ZNF599: variants seen among roughly 807,000 people sequenced by gnomAD.
ZNF599 encodes zinc finger protein 599.
Under a neutral mutation model 11.7 loss-of-function variants are expected in ZNF599, and 10 were observed. The observed-to-expected ratio is 0.86, with a 90% confidence interval of 0.53 to 1.45. The LOEUF is 1.45. Among genes scored for constraint, ZNF599 ranks in the 40% most tolerant of loss-of-function variants. ZNF599 has a pLI of 0.00. For synonymous variants in ZNF599, 232 were observed against 253.2 expected, an observed-to-expected ratio of 0.92 and a Z score of 0.79; for missense variants, 688 against 713.6, an observed-to-expected ratio of 0.96 and a Z score of 0.41.
At chr19:34,804,537 C>T in the ZNF599 span, among the ~76,000 whole-genome samples, 1 of 152,192 alleles carries the variant, frequency 6.6e-6, no homozygotes, top group Non-Finnish European at 1.5e-5. Context: ...AGCTTCACCT[C>T]AAGTCTACAA....
chr19:34,803,726 G>A, the ZNF599 span, among the ~76,000 whole-genome samples: 1 of 152,102 alleles, frequency 6.6e-6, no homozygotes, highest in Non-Finnish European at 1.5e-5. Flanking sequence ...GCCACGCAGG[G>A]CCCCACCCCT....
chr19:34,804,174 C>G, the ZNF599 span, among the ~76,000 whole-genome samples: 3 of 152,246 alleles, frequency 2.0e-5, no homozygotes, highest in African/African-American at 7.2e-5. Flanking sequence ...CCTAATGCCT[C>G]TAGCAGACAA....
chr19:34,777,318 CTATATTATATATTATATATTAA>C (rs539371607), upstream of ZNF599, among the ~76,000 whole-genome samples: 21,945 of 80,460 alleles, frequency 0.27, 3,642 homozygotes, highest in African/African-American at 0.31. Flanking sequence ...GTATATTTAT[CTATATTATATATTATATATTAA>C]TATATTATAT....
At chr19:34,792,028 C>T in the ZNF599 span, 1 of 152,196 alleles carries the variant, frequency 6.6e-6, no homozygotes, top group Non-Finnish European at 1.5e-5. Flanking sequence ...TGCTCCCTTC[C>T]ATGCAAAGAA....
chr19:34,759,504 A>G lies in ZNF599; in HGVS notation c.1297T>C (p.Cys433Arg), dbSNP rs1193507921. Reference sequence around the variant, plus strand: ...TGTTGAATTAAGGAAGAGCTGTCACAAAAGGCCTTCCCACATTCTTTGCAC... The same window carrying G: ...TGTTGAATTAAGGAAGAGCTGTCACGAAAGGCCTTCCCACATTCTTTGCAC... The part of the protein sequence containing the change: ...FECKECGKAF[C>R]DSSSLIQHMR... The change falls in exon 4 of 4, where the codon TGT (cysteine) becomes CGT (arginine). Residue 433 changes from cysteine to arginine, a missense_variant. By Grantham distance (180) the Cys-to-Arg change is radical. Transcript: ENST00000329285. 1 of 1,614,100 alleles carries G rather than the reference A, an allele frequency of 6.2e-7. No individual in the cohort carries two copies. The highest frequency in any genetic ancestry group is 8.5e-7 in the Non-Finnish European group (1 of 1,180,022).
chr19:34,797,823 T>G, the ZNF599 span, among the ~76,000 whole-genome samples: 3 of 152,184 alleles, frequency 2.0e-5, no homozygotes, highest in African/African-American at 7.2e-5. Flanking sequence ...GATGTGAAAC[T>G]AGACAACCAG....
chr19:34,774,498 G>T (rs1267549971), upstream of ZNF599, among the ~76,000 whole-genome samples: 1 of 152,200 alleles, frequency 6.6e-6, no homozygotes, highest in Admixed American at 6.5e-5. Flanking sequence ...CCAGGATGGA[G>T]CAGAAATAAG....
Position 34,769,533 on chromosome 19 carries a change from A to G in ZNF599, c.41T>C (p.Val14Ala). Residue 14 changes from valine to alanine, a missense_variant, in exon 2 of 4, where the codon GTG (valine) becomes GCG (alanine). Coordinates refer to ENST00000329285, the MANE Select transcript of ZNF599 (RefSeq NM_001007248.3). ...PALALVSFED[V>A]VVTFTGEEWG... is the part of the protein sequence containing the mutation. Reference sequence around the variant, plus strand: ...TTCCTCTCCAGTGAAGGTCACAACCACGTCTTCAAATGATACTAATGCCTG... The same window carrying G: ...TTCCTCTCCAGTGAAGGTCACAACCGCGTCTTCAAATGATACTAATGCCTG... The G allele has an allele frequency of 6.2e-7, 1 of 1,614,050 alleles. No individual in the cohort carries two copies. Among genetic ancestry groups the G allele is most frequent in the South Asian group, 1.1e-5 (1 of 91,082 alleles).
At chr19:34,780,734 GAGAAAGAAAGCC>G in the ZNF599 span, among the ~76,000 whole-genome samples, 1 of 147,888 alleles carries the variant, frequency 6.8e-6, no homozygotes, top group South Asian at 2.1e-4. Context: ...GAAAGAGAAA[GAGAAAGAAAGCC>G]AGAAAGAAAG....
In ZNF599 at chr19:34,758,855, C is replaced by T. The variant is rs2069088103; in HGVS notation, c.*179G>A. ...TAATTCTTTGGATGACAAGTGATTACCTGCCATAAAAAGATTTCACAGGGA... is the reference window on the plus strand; with the variant it reads ...TAATTCTTTGGATGACAAGTGATTATCTGCCATAAAAAGATTTCACAGGGA... On this transcript the variant is annotated 3_prime_UTR_variant, in exon 4 of 4. Coordinates refer to ENST00000329285, the MANE Select transcript of ZNF599 (RefSeq NM_001007248.3). 1.6e-6 allele frequency: 1 copy of T among 613,750 alleles called. No homozygotes were observed. Among genetic ancestry groups the T allele is most frequent in the Non-Finnish European group, 2.8e-6 (1 of 360,116 alleles). 38.0% of individuals were successfully genotyped at this position (613,750 alleles called of 1,614,324 possible).
intron 3 of ZNF599, among the ~76,000 whole-genome samples, chr19:34,766,586 T>G (rs955976166): frequency 6.6e-6 from 1 of 152,254 alleles, no homozygotes; most frequent in African/African-American, 2.4e-5. Context: ...GGCAGTGTGC[T>G]AGGCAGTTTC....
At chr19:34,801,742 G>A in the ZNF599 span, among the ~76,000 whole-genome samples, 1 of 152,218 alleles carries the variant, frequency 6.6e-6, no homozygotes, top group African/African-American at 2.4e-5. Context: ...TGGTGCTGGA[G>A]AAGTCCTGAG....
the ZNF599 span, among the ~76,000 whole-genome samples, chr19:34,801,205 T>C: frequency 6.6e-6 from 1 of 152,230 alleles, no homozygotes; most frequent in Non-Finnish European, 1.5e-5. Context: ...TCTTCCACTA[T>C]CACAGTAACA....
the ZNF599 span, among the ~76,000 whole-genome samples, chr19:34,795,758 G>A: frequency 6.6e-6 from 1 of 152,172 alleles, no homozygotes; most frequent in Admixed American, 6.5e-5. Context: ...TCCACTTACG[G>A]CTTTTCCTAT....
chr19:34,787,327 C>A, the ZNF599 span, among the ~76,000 whole-genome samples: 144 of 152,196 alleles, frequency 9.5e-4, no homozygotes, highest in African/African-American at 3.4e-3. Context: ...TTTGCTGGGT[C>A]ATTTGGGATA....
At chr19:34,775,631 C>T (rs192712502), upstream of ZNF599, among the ~76,000 whole-genome samples, 243 of 152,252 alleles carry the variant, frequency 1.6e-3, no homozygotes, top group African/African-American at 5.5e-3. Flanking sequence ...GTATTTTGAA[C>T]GTGTGATTTA....
intron 3 of ZNF599, chr19:34,764,497 A>G (rs192899892): frequency 2.6e-5 from 4 of 152,398 alleles, no homozygotes; most frequent in Non-Finnish European, 1.5e-5. Context: ...AGTAGTCTTC[A>G]TAATATTCCA....
rs992416199 is a variant in ZNF599 at position 34,761,548 on chromosome 19, A to G, written c.242-989T>C. On this transcript the variant is annotated intron_variant, in intron 3 of 3. Transcript: ENST00000329285. ...GAGGACTTAGTATTATGATGAAACTATATGCATTCAGGCAGTGTGATTAGG... is the reference window on the plus strand; with the variant it reads ...GAGGACTTAGTATTATGATGAAACTGTATGCATTCAGGCAGTGTGATTAGG... Among the ~76,000 whole-genome samples the G allele has an allele frequency of 2.6e-5, 4 of 152,222 alleles. No homozygotes were observed. The East Asian group carries it at 7.7e-4, about 29-fold the overall frequency.
upstream of ZNF599, among the ~76,000 whole-genome samples, chr19:34,776,618 A>C (rs554297458): frequency 1.3e-5 from 2 of 152,184 alleles, no homozygotes; most frequent in Non-Finnish European, 2.9e-5. Context: ...CAACTAACCA[A>C]ATTCCTCACA....
Sources: gnomAD v4.1 joint callset for allele counts (sites outside exome capture counted in the v4.1 genomes callset) on GRCh38, gnomAD v4.1.1 for gene constraint, MANE v1.5 for transcripts, NCBI Gene and HGNC (gene_info 2026-07-23, HGNC 2026-07-21) for gene names.